RFX7: variants seen among roughly 807,000 people sequenced by gnomAD.
The protein encoded by RFX7 is DNA-binding protein RFX7.
Under a neutral mutation model 111.8 loss-of-function variants are expected in RFX7, and 26 were observed. The ratio of observed to expected loss-of-function variants is 0.23; its 90% CI spans 0.17 to 0.32. RFX7 has a LOEUF of 0.32. RFX7 is among the 10% of genes least tolerant of loss of function. The probability of loss-of-function intolerance (pLI) is 1.00; values close to 1 mark genes in which losing one functional copy is unlikely to be tolerated. For synonymous variants in RFX7, 624 were observed against 624.4 expected (o/e 1.00, Z 0.01); for missense variants, 1,573 against 1,772.9 (o/e 0.89, Z 2.02).
chr15:56,204,746 C>T (rs1318318219), intron 2 of RFX7, among the ~76,000 whole-genome samples: 1 of 152,018 alleles, frequency 6.6e-6, no homozygotes, highest in African/African-American at 2.4e-5. Context: ...AAATCTTACC[C>T]CAAATAATCT....
chr15:56,116,918 A>G (rs748073615), intron 5 of RFX7, among the ~76,000 whole-genome samples: 4 of 151,512 alleles, frequency 2.6e-5, no homozygotes, highest in Non-Finnish European at 5.9e-5. Flanking sequence ...TAAAAAATAT[A>G]GTATATTGTA....
intron 5 of RFX7, among the ~76,000 whole-genome samples, chr15:56,141,730 G>T (rs375691255): frequency 4.9e-5 from 7 of 143,952 alleles, no homozygotes; most frequent in Admixed American, 7.1e-5. Context: ...TGTATCCTGA[G>T]AACTTATCAC....
chr15:56,099,608 T>G (rs750033020), intron 8 of RFX7, among the ~76,000 whole-genome samples: 1 of 152,042 alleles, frequency 6.6e-6, no homozygotes, highest in Non-Finnish European at 1.5e-5. Context: ...ACACAACCTG[T>G]TCTTAATATG....
At chr15:56,233,224 C>G (rs760175684) in intron 2 of RFX7, among the ~76,000 whole-genome samples, 12 of 152,146 alleles carry the variant, frequency 7.9e-5, no homozygotes, top group Non-Finnish European at 1.2e-4. Context: ...GGAGGCCGCA[C>G]AATCATGGTG....
chr15:56,174,974 G>C (rs2042888256), intron 3 of RFX7, among the ~76,000 whole-genome samples: 1 of 152,040 alleles, frequency 6.6e-6, no homozygotes, highest in Non-Finnish European at 1.5e-5. Context: ...GGTCCTAGCA[G>C]TACAATAAGG....
Position 56,095,312 on chromosome 15 carries a change from T to C in RFX7, c.2416A>G (p.Thr806Ala). Residue 806 changes from threonine (T) to alanine (A), a missense_variant, in exon 10 of 10, where the codon ACA (threonine) becomes GCA (alanine). Coordinates refer to ENST00000559447, the MANE Select transcript of RFX7 (RefSeq NM_022841.7). ...CEQQQDISVM[T>A]IPEHSDINDL... ...TTGATATCAGAGTGCTCAGGAATTG[T>C]CATAACACTGATATCTTGCTGTTGT... 1.2e-6 allele frequency: 2 copies of C among 1,613,970 alleles called. No homozygotes were observed. The highest frequency in any genetic ancestry group is 1.7e-6 in the Non-Finnish European group (2 of 1,179,872).
intron 3 of RFX7, among the ~76,000 whole-genome samples, chr15:56,162,022 G>A (rs1479887312): frequency 6.6e-6 from 1 of 152,046 alleles, no homozygotes; most frequent in African/African-American, 2.4e-5. Context: ...GTTTCTGTGT[G>A]CTATTTGAAA....
In RFX7 at chr15:56,110,319, G is replaced by GA. The variant is rs1449020895; in HGVS notation, c.402-6650_402-6649insT. Among the ~76,000 whole-genome samples, 2 of 91,876 alleles carry GA rather than the reference G, an allele frequency of 2.2e-5. 1 individual carries two copies. Among genetic ancestry groups the GA allele is most frequent in the Non-Finnish European group, 4.8e-5 (2 of 41,494 alleles). 60.3% of individuals were successfully genotyped at this position (91,876 alleles called of 152,430 possible). ...AGCCGCCCCGTCCGGGAGGGAGGTG[G>GA]GGGGGGGGTCAGCCCCCCGCCTGGC... is the stretch of plus-strand genomic sequence containing the variant. On this transcript the variant is annotated intron_variant, in intron 5 of 9. Transcript: ENST00000559447.
At chr15:56,152,327 A>C (rs2042581833) in intron 3 of RFX7, among the ~76,000 whole-genome samples, 1 of 152,218 alleles carries the variant, frequency 6.6e-6, no homozygotes, top group South Asian at 2.1e-4. Flanking sequence ...AGCAAATGCA[A>C]AAGAAGGGAA....
intron 2 of RFX7, among the ~76,000 whole-genome samples, chr15:56,212,152 T>C (rs2043318999): frequency 6.6e-6 from 1 of 152,214 alleles, no homozygotes; most frequent in African/African-American, 2.4e-5. Context: ...TATCTATTAA[T>C]GGAATATGAT....
intron 5 of RFX7, among the ~76,000 whole-genome samples, chr15:56,109,519 G>A (rs1382233153): frequency 4.6e-5 from 7 of 152,012 alleles, no homozygotes; most frequent in African/African-American, 7.3e-5. Context: ...CGTCTGGGAT[G>A]TGAGGAGCCC....
rs1227138127 is a variant in RFX7 at position 56,095,323 on chromosome 15, A to T, written c.2405T>A (p.Ile802Asn). Residue 802 changes from isoleucine to asparagine, a missense_variant, in exon 10 of 10, where the codon ATC becomes AAC. Ile to Asn is a moderately radical substitution (Grantham distance 149). Around this residue, in one of 7 missense-constraint regions of RFX7, gnomAD observed 625 missense variants for 632.2 expected, o/e 0.99. Transcript: ENST00000559447. ...GTGCTCAGGAATTGTCATAACACTGATATCTTGCTGTTGTTCACAACTGGC... is the reference window on the plus strand; with the variant it reads ...GTGCTCAGGAATTGTCATAACACTGTTATCTTGCTGTTGTTCACAACTGGC... The part of the protein sequence containing the change: ...ISASCEQQQD[I>N]SVMTIPEHSD... The T allele has an allele frequency of 3.7e-6, 6 of 1,613,858 alleles. No individual in the cohort carries two copies. The highest frequency in any genetic ancestry group is 1.1e-5 in the South Asian group (1 of 91,086).
chr15:56,166,526 A>G (rs1222946289), intron 3 of RFX7, among the ~76,000 whole-genome samples: 2 of 152,156 alleles, frequency 1.3e-5, no homozygotes, highest in African/African-American at 4.8e-5. Flanking sequence ...GTAAAAAGTA[A>G]TTTCTCTTTC....
At chr15:56,169,658 T>C (rs1160719449) in intron 3 of RFX7, among the ~76,000 whole-genome samples, 3 of 151,550 alleles carry the variant, frequency 2.0e-5, no homozygotes, top group Non-Finnish European at 2.9e-5. Context: ...TTTCATTCTA[T>C]AGCCTCTGCT....
intron 5 of RFX7, among the ~76,000 whole-genome samples, chr15:56,138,501 A>C (rs373806043): frequency 0.33 from 48,236 of 147,418 alleles, 8,862 homozygotes; most frequent in East Asian, 0.42. Context: ...TTTTGAGCCT[A>C]TGTGTGTCTC....
Position 56,093,468 on chromosome 15 carries a change from C to T in RFX7, c.4260G>A (p.Leu1420=), listed in dbSNP as rs1212836206. The change falls in exon 10 of 10, where the codon CTG becomes CTA. Residue 1420 remains leucine, a synonymous_variant. Coordinates refer to ENST00000559447, the MANE Select transcript of RFX7 (RefSeq NM_022841.7). ...RQQGQDDEAT[L]EELKNDPLFQ... ...ATAATGGGTCATTCTTTAATTCTTC[C>T]AGTGTAGCTTCATCATCTTGTCCCT... 6.2e-7 allele frequency: 1 copy of T among 1,613,804 alleles called. No homozygotes were observed. Among genetic ancestry groups the T allele is most frequent in the Non-Finnish European group, 8.5e-7 (1 of 1,179,814 alleles).
chr15:56,166,895 T>G (rs1362728278), intron 3 of RFX7, among the ~76,000 whole-genome samples: 3 of 152,166 alleles, frequency 2.0e-5, no homozygotes, highest in Non-Finnish European at 2.9e-5. Context: ...ACAGCTACCA[T>G]GCCTGGTTAC....
chr15:56,103,736 C>T, intron 5 of RFX7, 66 bp from the exon 6 acceptor site: 9 of 930,516 alleles, frequency 9.7e-6, no homozygotes, highest in Non-Finnish European at 1.5e-5. Flanking sequence ...GGTGCTATTT[C>T]AATACAATTT....
rs1438695453 is a variant in RFX7 at position 56,095,354 on chromosome 15, T to A, written c.2374A>T (p.Ile792Leu). The A allele has an allele frequency of 6.2e-7, 1 of 1,613,804 alleles. No individual in the cohort carries two copies. Among genetic ancestry groups the A allele is most frequent in the Non-Finnish European group, 8.5e-7 (1 of 1,179,878 alleles). ...WQQITKDSEF[I>L]SASCEQQQDI... Reference sequence around the variant, plus strand: ...TGCTGTTGTTCACAACTGGCAGATATAAACTCAGAATCTTTAGTGATTTGT... The same window carrying A: ...TGCTGTTGTTCACAACTGGCAGATAAAAACTCAGAATCTTTAGTGATTTGT... Residue 792 changes from isoleucine to leucine, a missense_variant, in exon 10 of 10, where the codon ATA (isoleucine) becomes TTA (leucine). This residue lies in a region of RFX7 where 625 missense variants were observed against 632.2 expected (regional missense o/e 0.99). Coordinates refer to ENST00000559447, the MANE Select transcript of RFX7 (RefSeq NM_022841.7).
Sources: allele counts gnomAD v4.1 joint callset (sites outside exome capture counted in the v4.1 genomes callset), GRCh38; gene constraint gnomAD v4.1.1; regional missense constraint gnomAD v4.1.1; transcripts MANE v1.5; gene names NCBI Gene and HGNC (gene_info 2026-07-23, HGNC 2026-07-21).